PCDH11X: variants seen among roughly 807,000 people sequenced by gnomAD.
PCDH11X encodes the protein protocadherin-11 X-linked.
Under a neutral mutation model 53.3 loss-of-function variants are expected in PCDH11X, and 18 were observed. The ratio of observed to expected loss-of-function variants is 0.34; its 90% CI spans 0.23 to 0.50. The LOEUF is 0.50. PCDH11X is among the 20% of genes least tolerant of loss of function. PCDH11X has a pLI of 0.98. For missense variants in PCDH11X, 570 were observed against 1,032.4 expected (o/e 0.55, Z 6.14); for synonymous variants, 279 against 393.3 (o/e 0.71, Z 3.44).
chrX:92,326,040 A>G (rs1300497294), intron 8 of PCDH11X, among the ~76,000 whole-genome samples: 1 of 111,989 alleles, frequency 8.9e-6, no homozygotes, highest in African/African-American at 3.2e-5. Flanking sequence ...GTAATGAATC[A>G]CTCTAAAACT....
intron 7 of PCDH11X, among the ~76,000 whole-genome samples, chrX:92,258,869 G>A (rs994003993): frequency 1.8e-5 from 2 of 111,974 alleles, no homozygotes; most frequent in Non-Finnish European, 3.8e-5. Flanking sequence ...GCAACATCTT[G>A]AATGCTTTGC....
intron 6 of PCDH11X, chrX:92,113,364 A>G: frequency 8.3e-7 from 1 of 1,200,845 alleles, no homozygotes; most frequent in African/African-American, 1.8e-5. Flanking sequence ...CTTTACGGCC[A>G]AACTGTCCAC....
At chrX:92,127,278 T>C (rs1197100367) in intron 6 of PCDH11X, among the ~76,000 whole-genome samples, 1 of 108,200 alleles carries the variant, frequency 9.2e-6, no homozygotes, top group Non-Finnish European at 1.9e-5. Context: ...CTAATATAGA[T>C]GTTAATAATG....
chrX:92,358,925 T>A (rs2070281054), intron 8 of PCDH11X, among the ~76,000 whole-genome samples: 2 of 108,401 alleles, frequency 1.8e-5, no homozygotes, highest in South Asian at 8.1e-4. Flanking sequence ...TTTCATCAAT[T>A]CTCACTAATC....
intron 9 of PCDH11X, among the ~76,000 whole-genome samples, chrX:92,440,843 A>T (rs748826617): frequency 2.7e-5 from 3 of 111,709 alleles, no homozygotes; most frequent in Admixed American, 1.9e-4. Context: ...TGACAGGCAG[A>T]GGTTGGAACA....
chrX:91,953,092 G>T (rs1187096325), intron 6 of PCDH11X, among the ~76,000 whole-genome samples: 4 of 109,896 alleles, frequency 3.6e-5, no homozygotes, highest in Non-Finnish European at 7.6e-5. Context: ...TGGTTAATGG[G>T]TATGAAAAAA....
At chrX:91,964,490 CTA>C (rs2061837383) in intron 6 of PCDH11X, among the ~76,000 whole-genome samples, 1 of 111,437 alleles carries the variant, frequency 9.0e-6, no homozygotes, top group Non-Finnish European at 1.9e-5. Flanking sequence ...CATGATGGTG[CTA>C]TGTTATATTA....
intron 6 of PCDH11X, among the ~76,000 whole-genome samples, chrX:92,103,673 A>C (rs1334827340): frequency 8.9e-6 from 1 of 112,257 alleles, no homozygotes; most frequent in Admixed American, 9.4e-5. Context: ...TCCTTGGCCC[A>C]GTGGCCAGAT....
intron 8 of PCDH11X, among the ~76,000 whole-genome samples, chrX:92,374,669 T>G (rs1169109467): frequency 8.9e-6 from 1 of 111,829 alleles, no homozygotes; most frequent in Non-Finnish European, 1.9e-5. Context: ...TTTTTGTTGG[T>G]TCAGTTGAAA....
intron 6 of PCDH11X, among the ~76,000 whole-genome samples, chrX:91,976,756 T>A (rs1176441344): frequency 9.0e-6 from 1 of 111,534 alleles, no homozygotes; most frequent in African/African-American, 3.3e-5. Context: ...CAGTAATACA[T>A]GTAAATTGCA....
chrX:92,463,569 A>G lies in PCDH11X; in HGVS notation c.3344-4730A>G, dbSNP rs185710796. 9.4e-3 allele frequency among the ~76,000 whole-genome samples: 1,052 copies of G among 111,465 alleles called. 12 individuals are homozygous for G. The highest frequency in any genetic ancestry group is 0.033 in the African/African-American group (1,003 of 30,652). ...GTTAGTCTTAGATCTAAGTCATTTT[A>G]TTTCTCTTGATGTCATTCTTCATGT... On this transcript the variant is annotated intron_variant, in intron 9 of 10. Transcript: ENST00000682573.
intron 9 of PCDH11X, among the ~76,000 whole-genome samples, chrX:92,420,808 A>G (rs1269927174): frequency 9.0e-6 from 1 of 111,416 alleles, no homozygotes; most frequent in African/African-American, 3.3e-5. Flanking sequence ...GGGGTTGCTG[A>G]GCTAATGAAT....
At chrX:92,391,339 A>T (rs890555574) in intron 9 of PCDH11X, among the ~76,000 whole-genome samples, 4 of 109,851 alleles carry the variant, frequency 3.6e-5, no homozygotes, top group African/African-American at 9.9e-5. Flanking sequence ...CTTGAGACAC[A>T]TTCATGGAGA....
chrX:92,025,780 A>G (rs1184096458), intron 6 of PCDH11X, among the ~76,000 whole-genome samples: 1 of 110,139 alleles, frequency 9.1e-6, no homozygotes, highest in Non-Finnish European at 1.9e-5. Flanking sequence ...CACTGTTTAC[A>G]ATAGCAAAGA....
intron 6 of PCDH11X, among the ~76,000 whole-genome samples, chrX:92,038,711 A>G (rs1174670827): frequency 1.9e-5 from 2 of 107,785 alleles, no homozygotes; most frequent in Non-Finnish European, 3.8e-5. Flanking sequence ...AACACCCACA[A>G]TTGCCATGTG....
At chrX:92,513,701 A>C (rs1434537052) in intron 10 of PCDH11X, among the ~76,000 whole-genome samples, 2 of 111,648 alleles carry the variant, frequency 1.8e-5, no homozygotes, top group Non-Finnish European at 3.8e-5. Context: ...ATTTTCATAA[A>C]GTTCTTCACA....
chrX:91,790,201 G>T (rs1298583931), intron 1 of PCDH11X, among the ~76,000 whole-genome samples: 2 of 112,282 alleles, frequency 1.8e-5, no homozygotes, highest in East Asian at 5.6e-4. Flanking sequence ...AACCTTTTGT[G>T]TGACTATATT....
intron 4 of PCDH11X, among the ~76,000 whole-genome samples, chrX:91,816,089 C>A (rs1014307152): frequency 6.3e-5 from 7 of 110,801 alleles, no homozygotes; most frequent in African/African-American, 2.0e-4. Context: ...GATTGCACCA[C>A]TGCACTCCAG....
At chrX:92,563,898 C>G (rs1921133971) in intron 10 of PCDH11X, among the ~76,000 whole-genome samples, 1 of 110,809 alleles carries the variant, frequency 9.0e-6, no homozygotes, top group Non-Finnish European at 1.9e-5. Context: ...GAGGAAACTA[C>G]TAGAACTGAT....
Sources: gnomAD v4.1 joint callset for allele counts (sites outside exome capture counted in the v4.1 genomes callset) on GRCh38, gnomAD v4.1.1 for gene constraint, MANE v1.5 for transcripts, NCBI Gene and HGNC (gene_info 2026-07-23, HGNC 2026-07-21) for gene names.